Variants in RSU1 observed in about 807,000 individuals in gnomAD.
RSU1 encodes the protein rsu-1.
Under a neutral mutation model 31.1 loss-of-function variants are expected in RSU1, and 26 were observed. The ratio of observed to expected loss-of-function variants is 0.84; its 90% CI spans 0.61 to 1.16. The LOEUF (loss-of-function observed/expected upper bound fraction) is 1.16. Among genes scored for constraint, RSU1 ranks in the 50% most tolerant of loss-of-function variants. The pLI is 0.00. For synonymous variants in RSU1, 164 were observed against 136.3 expected, an observed-to-expected ratio of 1.20 and a Z score of -1.41; for missense variants, 320 against 339.1, an observed-to-expected ratio of 0.94 and a Z score of 0.44.
chr10:16,711,912 G>C (rs773219154), intron 7 of RSU1, among the ~76,000 whole-genome samples: 2 of 152,092 alleles, frequency 1.3e-5, no homozygotes, highest in Non-Finnish European at 2.9e-5. Flanking sequence ...CTTTGATGTA[G>C]TTTTAGTCTG....
intron 2 of RSU1, among the ~76,000 whole-genome samples, chr10:16,814,186 T>C (rs1451127324): frequency 2.0e-5 from 3 of 152,184 alleles, no homozygotes; most frequent in Admixed American, 6.5e-5. Flanking sequence ...ACATGTGTAA[T>C]GCCAGCACTT....
At chr10:16,765,424 A>T (rs1484325053) in intron 3 of RSU1, among the ~76,000 whole-genome samples, 7 of 152,226 alleles carry the variant, frequency 4.6e-5, no homozygotes, top group Non-Finnish European at 8.8e-5. Context: ...AAATACAAAA[A>T]GTCAACTCAG....
At chr10:16,607,599 G>A (rs1174042787) in intron 8 of RSU1, among the ~76,000 whole-genome samples, 1 of 152,150 alleles carries the variant, frequency 6.6e-6, no homozygotes, top group East Asian at 1.9e-4. Flanking sequence ...CATATCCACG[G>A]CAGATATCAC....
chr10:16,601,817 G>A (rs1315926868), intron 8 of RSU1, among the ~76,000 whole-genome samples: 1 of 152,164 alleles, frequency 6.6e-6, no homozygotes, highest in Non-Finnish European at 1.5e-5. Flanking sequence ...CAGGAAAGAT[G>A]GAGTGAGTGT....
intron 3 of RSU1, among the ~76,000 whole-genome samples, chr10:16,768,945 C>A (rs1468562513): frequency 1.3e-5 from 2 of 152,182 alleles, no homozygotes; most frequent in Non-Finnish European, 2.9e-5. Flanking sequence ...ACAGCCCCTT[C>A]CTGAGCAACA....
chr10:16,637,563 G>C (rs879747224), intron 8 of RSU1, among the ~76,000 whole-genome samples: 5 of 151,828 alleles, frequency 3.3e-5, no homozygotes, highest in Non-Finnish European at 7.4e-5. Context: ...GGGATGATCT[G>C]TGTAAGACAC....
intron 7 of RSU1, among the ~76,000 whole-genome samples, chr10:16,704,336 T>C (rs1272482610): frequency 6.6e-6 from 1 of 152,184 alleles, no homozygotes; most frequent in Non-Finnish European, 1.5e-5. Flanking sequence ...TAATCTTGCA[T>C]GGAAGGCATT....
intron 8 of RSU1, among the ~76,000 whole-genome samples, chr10:16,663,455 C>T (rs942862421): frequency 2.6e-5 from 4 of 152,136 alleles, no homozygotes; most frequent in African/African-American, 7.2e-5. Flanking sequence ...CAAGACTCTT[C>T]GAAAATTTCC....
At chr10:16,645,878 GTGTA>G (rs1375225854) in intron 8 of RSU1, among the ~76,000 whole-genome samples, 3 of 107,672 alleles carry the variant, frequency 2.8e-5, no homozygotes, top group African/African-American at 1.5e-4. Flanking sequence ...ATACATATAT[GTGTA>G]TATACATATA....
chr10:16,617,351 G>A (rs1207132302), intron 8 of RSU1, among the ~76,000 whole-genome samples: 1 of 152,120 alleles, frequency 6.6e-6, no homozygotes, highest in African/African-American at 2.4e-5. Context: ...CAAAGAAATG[G>A]AAGAACATTC....
intron 8 of RSU1, among the ~76,000 whole-genome samples, chr10:16,655,936 G>C (rs1016009611): frequency 6.6e-6 from 1 of 152,056 alleles, no homozygotes; most frequent in African/African-American, 2.4e-5. Flanking sequence ...AGATATCTTT[G>C]AGGCCTGCCT....
intron 3 of RSU1, among the ~76,000 whole-genome samples, chr10:16,777,931 T>C (rs1268086146): frequency 6.6e-6 from 1 of 151,904 alleles, no homozygotes; most frequent in East Asian, 1.9e-4. Flanking sequence ...TTTGTGTGCC[T>C]GAGTAACACA....
At chr10:16,788,533 G>A (rs961047614) in intron 2 of RSU1, among the ~76,000 whole-genome samples, 3 of 152,150 alleles carry the variant, frequency 2.0e-5, no homozygotes, top group African/African-American at 4.8e-5. Flanking sequence ...AGCCCTCACC[G>A]GACACAATGC....
At chr10:16,690,221 G>A (rs868435378) in intron 8 of RSU1, among the ~76,000 whole-genome samples, 2 of 152,112 alleles carry the variant, frequency 1.3e-5, no homozygotes, top group Admixed American at 6.6e-5. Flanking sequence ...AAAAGAGGTC[G>A]AAGAGACAAC....
intron 8 of RSU1, among the ~76,000 whole-genome samples, chr10:16,644,562 C>G (rs1834502329): frequency 6.6e-6 from 1 of 152,206 alleles, no homozygotes; most frequent in Admixed American, 6.5e-5. Flanking sequence ...AGGTCTTGCT[C>G]AAGGTCATAC....
intron 2 of RSU1, among the ~76,000 whole-genome samples, chr10:16,792,776 A>G (rs1837952700): frequency 6.6e-6 from 1 of 152,216 alleles, no homozygotes; most frequent in Non-Finnish European, 1.5e-5. Flanking sequence ...AACATACAGC[A>G]CGGTGTAAAT....
chr10:16,792,611 C>G (rs144651467), intron 2 of RSU1, among the ~76,000 whole-genome samples: 412 of 152,322 alleles, frequency 2.7e-3, no homozygotes, highest in Non-Finnish European at 5.0e-3. Context: ...TCAAAGGAGT[C>G]TGCCTTGTTT....
chr10:16,712,563 C>T (rs890867791), intron 7 of RSU1, among the ~76,000 whole-genome samples: 2 of 152,152 alleles, frequency 1.3e-5, no homozygotes, highest in African/African-American at 4.8e-5. Flanking sequence ...ACTACATCAA[C>T]CTGATAGCAA....
chr10:16,640,912 T>C (rs963877406), intron 8 of RSU1, among the ~76,000 whole-genome samples: 1 of 152,208 alleles, frequency 6.6e-6, no homozygotes, highest in East Asian at 1.9e-4. Flanking sequence ...TCTGAGGCAA[T>C]GCTGCGACTG....
Sources: gnomAD v4.1 joint callset for allele counts (sites outside exome capture counted in the v4.1 genomes callset) on GRCh38, gnomAD v4.1.1 for gene constraint, MANE v1.5 for transcripts, NCBI Gene and HGNC (gene_info 2026-07-23, HGNC 2026-07-21) for gene names.